WDPCP: variants seen among roughly 807,000 people sequenced by gnomAD.
WDPCP encodes WD repeat containing planar cell polarity effector.
A neutral mutation model predicts 93.1 loss-of-function variants in WDPCP; 71 were observed. The ratio of observed to expected loss-of-function variants is 0.76; its 90% CI spans 0.63 to 0.93. WDPCP has a LOEUF of 0.93. Among genes scored for constraint, WDPCP ranks in the 40% least tolerant of loss-of-function variants. WDPCP has a pLI of 0.00. For missense variants in WDPCP, 844 were observed against 887.4 expected (o/e 0.95, Z 0.62); for synonymous variants, 315 against 315.0 (o/e 1.00, Z 0.00).
chr2:63,373,293 G>A (rs575139694), intron 12 of WDPCP, among the ~76,000 whole-genome samples: 2 of 134,206 alleles, frequency 1.5e-5, no homozygotes, highest in East Asian at 2.1e-4. Context: ...GTCTTGCTCT[G>A]TCGCCCAGTG....
At position 63,307,278 on chromosome 2, in the gene WDPCP, G is replaced by C. The variant is rs932438521; in HGVS notation, c.1812+5970C>G. On this transcript the variant is annotated intron_variant, in intron 13 of 17. Transcript: ENST00000272321. Reference sequence around the variant, plus strand: ...GGAAAATATTCCATGCTCATGGATAGGAAGAATCAATATCATGAAAATGGC... The same window carrying C: ...GGAAAATATTCCATGCTCATGGATACGAAGAATCAATATCATGAAAATGGC... Among the ~76,000 whole-genome samples, 10 of 152,138 alleles carry C rather than the reference G, an allele frequency of 6.6e-5. No homozygotes were observed. The East Asian group carries it at 1.5e-3, about 23-fold the overall frequency.
chr2:63,180,963 T>G (rs1465689865), intron 14 of WDPCP, among the ~76,000 whole-genome samples: 1 of 152,162 alleles, frequency 6.6e-6, no homozygotes, highest in Non-Finnish European at 1.5e-5. Flanking sequence ...AGGTTAGACA[T>G]TTGTATGTTT....
intron 1 of WDPCP, among the ~76,000 whole-genome samples, chr2:63,526,333 A>G (rs961260038): frequency 4.6e-5 from 7 of 152,172 alleles, no homozygotes; most frequent in African/African-American, 1.7e-4. Context: ...CGTGTTGTCC[A>G]ACACTATTAT....
intron 12 of WDPCP, among the ~76,000 whole-genome samples, chr2:63,377,363 C>G (rs1454944626): frequency 2.0e-5 from 3 of 151,392 alleles, no homozygotes; most frequent in Non-Finnish European, 4.4e-5. Context: ...TGTAATCCTC[C>G]TTTTTGGTAC....
chr2:63,327,911 C>T (rs1039039269), intron 12 of WDPCP, among the ~76,000 whole-genome samples: 5 of 152,204 alleles, frequency 3.3e-5, no homozygotes, highest in African/African-American at 1.2e-4. Flanking sequence ...CCCGCTGGCC[C>T]TTCCACTGGC....
intron 3 of WDPCP, chr2:63,622,964 G>A (rs12476592): frequency 4.7e-5 from 34 of 725,290 alleles, no homozygotes; most frequent in African/African-American, 2.8e-4. Flanking sequence ...ACCACCGCAC[G>A]GCGCCCAAGC....
At chr2:63,299,782 T>A (rs1349364234) in intron 13 of WDPCP, among the ~76,000 whole-genome samples, 1 of 152,160 alleles carries the variant, frequency 6.6e-6, no homozygotes, top group Non-Finnish European at 1.5e-5. Flanking sequence ...AAGAAATCCC[T>A]TAGGCAGATA....
chr2:63,638,073 C>T (rs1229143131), intron 3 of WDPCP, among the ~76,000 whole-genome samples: 2 of 152,038 alleles, frequency 1.3e-5, no homozygotes, highest in Non-Finnish European at 2.9e-5. Context: ...ATTATTGAGT[C>T]ATAAAATGAA....
chr2:63,806,269 G>A (rs1425732752), intron 2 of WDPCP, among the ~76,000 whole-genome samples: 4 of 152,022 alleles, frequency 2.6e-5, no homozygotes, highest in African/African-American at 4.8e-5. Flanking sequence ...CCAGGCGTCC[G>A]GGGGGGACAT....
In WDPCP at chr2:63,122,040, C is replaced by T. The variant is rs1409916303; in HGVS notation, c.2207G>A (p.Gly736Asp). The T allele has an allele frequency of 2.5e-6, 4 of 1,612,498 alleles. No individual in the cohort carries two copies. The highest frequency in any genetic ancestry group is 3.4e-6 in the Non-Finnish European group (4 of 1,178,964). ...DGREQEIRDG[G>D]SLKMIHFGLV ...ACCAAAGTGAATCATTTTGAGAGAA[C>T]CACCATCTCTGATTTCCTGCAAATA... is the stretch of plus-strand genomic sequence containing the variant. The change falls in exon 18 of 18, where the codon GGT becomes GAT. Residue 736 changes from glycine (G) to aspartate (D), a missense_variant. Physicochemically the swap from Gly to Asp is moderately conservative, Grantham distance 94. Transcript: ENST00000272321.
At chr2:63,230,128 C>T (rs190767587) in intron 14 of WDPCP, among the ~76,000 whole-genome samples, 1 of 146,094 alleles carries the variant, frequency 6.8e-6, no homozygotes, top group Non-Finnish European at 1.5e-5. Flanking sequence ...ATGTTCCCCA[C>T]CCTGTGTCCA....
chr2:63,339,155 C>A (rs1688661872), intron 12 of WDPCP, among the ~76,000 whole-genome samples: 1 of 151,414 alleles, frequency 6.6e-6, no homozygotes, highest in African/African-American at 2.4e-5. Flanking sequence ...AATGGGATTG[C>A]CTTCCTGATT....
intron 1 of WDPCP, among the ~76,000 whole-genome samples, chr2:63,547,714 A>G (rs989931220): frequency 2.0e-5 from 3 of 150,454 alleles, no homozygotes; most frequent in Non-Finnish European, 2.9e-5. Flanking sequence ...CAAATATCAC[A>G]TGTTCTCACT....
At chr2:63,456,782 TGA>T (rs1247062426) in intron 6 of WDPCP, among the ~76,000 whole-genome samples, 1 of 152,048 alleles carries the variant, frequency 6.6e-6, no homozygotes, top group African/African-American at 2.4e-5. Context: ...TTTGGGAGGC[TGA>T]GGCAGGCGAA....
intron 2 of WDPCP, among the ~76,000 whole-genome samples, chr2:63,661,053 T>C (rs1374920634): frequency 6.6e-6 from 1 of 152,230 alleles, no homozygotes; most frequent in Non-Finnish European, 1.5e-5. Context: ...AGTTCATTTG[T>C]GTGAATGTAT....
chr2:63,597,713 G>A (rs566862458), intron 3 of WDPCP: 2 of 665,014 alleles, frequency 3.0e-6, no homozygotes, highest in African/African-American at 3.8e-5. Flanking sequence ...CTAGAGTTTT[G>A]CTTGATAAGC....
chr2:63,478,138 T>A (rs1187123614), intron 6 of WDPCP, among the ~76,000 whole-genome samples: 1 of 151,920 alleles, frequency 6.6e-6, no homozygotes, highest in Non-Finnish European at 1.5e-5. Context: ...AGGAAAAATA[T>A]CACAATCCTA....
At chr2:63,710,800 G>A (rs1192339560) in intron 2 of WDPCP, among the ~76,000 whole-genome samples, 1 of 152,216 alleles carries the variant, frequency 6.6e-6, no homozygotes, top group East Asian at 1.9e-4. Flanking sequence ...ATCCTTGGAA[G>A]TGGATAATCC....
chr2:63,464,655 T>C (rs1323190948), intron 6 of WDPCP, among the ~76,000 whole-genome samples: 3 of 151,358 alleles, frequency 2.0e-5, no homozygotes, highest in Non-Finnish European at 4.4e-5. Flanking sequence ...TATGGATGAA[T>C]GGAGAAAAAA....
Sources: allele counts gnomAD v4.1 joint callset (sites outside exome capture counted in the v4.1 genomes callset), GRCh38; gene constraint gnomAD v4.1.1; transcripts MANE v1.5; gene names NCBI Gene and HGNC (gene_info 2026-07-23, HGNC 2026-07-21).